Variants in MBD5 observed in about 807,000 individuals in gnomAD.
MBD5 encodes the protein methyl-CpG-binding domain protein 5.
A neutral mutation model predicts 117.3 loss-of-function variants in MBD5; 13 were observed. That is an observed-to-expected ratio of 0.11 (90% CI 0.07 to 0.18). MBD5 has a LOEUF of 0.18. MBD5 is among the 10% of genes least tolerant of loss of function. MBD5 has a pLI of 1.00. For missense variants in MBD5, 1,879 were observed against 2,093.8 expected (o/e 0.90, Z 2.00); for synonymous variants, 727 against 766.4 (o/e 0.95, Z 0.85).
At chr2:148,269,645 A>G (rs981679353) in intron 3 of MBD5, among the ~76,000 whole-genome samples, 2 of 143,606 alleles carry the variant, frequency 1.4e-5, no homozygotes, top group South Asian at 2.2e-4. Context: ...TTATACAGAT[A>G]TATCTAATTG....
chr2:148,469,954 A>G lies in MBD5; in HGVS notation c.2011A>G (p.Arg671Gly), dbSNP rs1376331579. 7 of 1,613,884 alleles carry G rather than the reference A, an allele frequency of 4.3e-6. No individual in the cohort carries two copies. The East Asian group carries it at 1.1e-4, about 26-fold the overall frequency. ...QPPTTVLSLL[R>G]QSQMDSSAVP... ...ACCTACGACAGTGTTGAGTTTGCTC[A>G]GACAGTCTCAAATGGATAGTTCTGC... Residue 671 changes from arginine (R) to glycine (G), a missense_variant, in exon 8 of 14, where the codon AGA (arginine) becomes GGA (glycine). Arg to Gly is a moderately radical substitution (Grantham distance 125). Around this residue, in one of 4 missense-constraint regions of MBD5, gnomAD observed 1,666 missense variants for 1,792.2 expected, o/e 0.93. Coordinates refer to ENST00000642680, the MANE Select transcript of MBD5 (RefSeq NM_001378120.1).
intron 1 of MBD5, among the ~76,000 whole-genome samples, chr2:148,080,255 C>G (rs1695616840): frequency 6.6e-6 from 1 of 152,170 alleles, no homozygotes; most frequent in Middle Eastern, 3.4e-3. Flanking sequence ...ATTTCTGTCT[C>G]AATGTATTAA....
intron 4 of MBD5, among the ~76,000 whole-genome samples, chr2:148,368,003 T>A (rs1445972960): frequency 6.6e-6 from 1 of 152,128 alleles, no homozygotes; most frequent in African/African-American, 2.4e-5. Context: ...TATAAATCAT[T>A]CTACTATAAA....
chr2:148,269,608 G>C (rs1439157139), intron 3 of MBD5, among the ~76,000 whole-genome samples: 3 of 148,750 alleles, frequency 2.0e-5, no homozygotes. Context: ...AAGCCTTTAA[G>C]ATCTCCTTAT....
chr2:148,136,221 T>C (rs946482210), intron 1 of MBD5, among the ~76,000 whole-genome samples: 1 of 152,182 alleles, frequency 6.6e-6, no homozygotes, highest in African/African-American at 2.4e-5. Flanking sequence ...ATCACGGTCT[T>C]ACGTGTACTC....
At chr2:148,430,300 A>G (rs902933510) in intron 4 of MBD5, among the ~76,000 whole-genome samples, 3 of 152,204 alleles carry the variant, frequency 2.0e-5, no homozygotes, top group Non-Finnish European at 2.9e-5. Flanking sequence ...GGGAAGGGGA[A>G]GTAACTGTCA....
chr2:148,288,122 C>T (rs912227612), intron 3 of MBD5, among the ~76,000 whole-genome samples: 6 of 151,570 alleles, frequency 4.0e-5, no homozygotes, highest in East Asian at 3.9e-4. Context: ...GATTTCTGGC[C>T]GGGCGCGGTG....
rs544264204 is a variant in MBD5, at chr2:148,086,765, G to T, written c.-925+65081G>T. Among the ~76,000 whole-genome samples the T allele has an allele frequency of 2.6e-5, 4 of 152,234 alleles. No individual in the cohort carries two copies. The East Asian group carries it at 5.8e-4, about 22-fold the overall frequency. On this transcript the variant is annotated intron_variant, in intron 1 of 13. Transcript: ENST00000642680. ...TCTTTTCTTCTTTAGATCTTAGGAA[G>T]TGCCCTGTCTAAATCCTTTCCTCTT... is the stretch of plus-strand genomic sequence containing the variant.
At chr2:148,117,186 G>A (rs1696660290) in intron 1 of MBD5, among the ~76,000 whole-genome samples, 1 of 151,852 alleles carries the variant, frequency 6.6e-6, no homozygotes, top group Non-Finnish European at 1.5e-5. Flanking sequence ...CATAAGAGAA[G>A]CTGAAAAAAG....
At chr2:148,252,751 T>C (rs1323864649) in intron 3 of MBD5, among the ~76,000 whole-genome samples, 2 of 152,142 alleles carry the variant, frequency 1.3e-5, no homozygotes, top group Admixed American at 6.5e-5. Flanking sequence ...GGTCTCACCA[T>C]GTTAGCCAGG....
intron 3 of MBD5, among the ~76,000 whole-genome samples, chr2:148,293,532 A>G (rs1347100302): frequency 6.6e-6 from 1 of 152,138 alleles, no homozygotes; most frequent in Non-Finnish European, 1.5e-5. Flanking sequence ...TACCTACAAT[A>G]ATTTTTTTGA....
intron 2 of MBD5, among the ~76,000 whole-genome samples, chr2:148,201,696 T>G (rs970072576): frequency 1.3e-5 from 2 of 152,012 alleles, no homozygotes; most frequent in Non-Finnish European, 2.9e-5. Context: ...GAGAAAAATT[T>G]TATTAAGTGA....
At chr2:148,132,186 T>C (rs547175920) in intron 1 of MBD5, among the ~76,000 whole-genome samples, 26 of 152,154 alleles carry the variant, frequency 1.7e-4, no homozygotes, top group African/African-American at 5.1e-4. Flanking sequence ...GTTTAATAAA[T>C]AGTCAAAACT....
intron 4 of MBD5, among the ~76,000 whole-genome samples, chr2:148,376,800 A>G (rs899525208): frequency 2.3e-5 from 3 of 130,516 alleles, no homozygotes. Context: ...ATATAATTTT[A>G]TATATAATAT....
rs59209677 is a variant in MBD5 at position 148,412,272 on chromosome 2, TTGTGTG to T, written c.-556-45905_-556-45900del. Among the ~76,000 whole-genome samples, 27 of 144,578 alleles carry T rather than the reference TTGTGTG, an allele frequency of 1.9e-4. No homozygotes were observed. In the East Asian group the frequency reaches 3.2e-3, roughly 17 times the overall value. 94.8% of individuals were successfully genotyped at this position (144,578 alleles called of 152,430 possible). A position where few individuals can be genotyped will look rare whatever the true frequency, so the allele number is the denominator to read the frequency against. ...TTACTGTAGCCTTGTAGTATACTTT[TTGTGTG>T]TGTGTGTGTGTGTGTGTGTGTGTGT... On this transcript the variant is annotated intron_variant, in intron 4 of 13. Coordinates refer to ENST00000642680, the MANE Select transcript of MBD5 (RefSeq NM_001378120.1).
At chr2:148,187,179 T>C (rs1188924511) in intron 2 of MBD5, among the ~76,000 whole-genome samples, 1 of 152,170 alleles carries the variant, frequency 6.6e-6, no homozygotes, top group Non-Finnish European at 1.5e-5. Flanking sequence ...TATGATCACA[T>C]GTGTGGATAG....
intron 4 of MBD5, among the ~76,000 whole-genome samples, chr2:148,351,111 T>G (rs1240755830): frequency 6.6e-6 from 1 of 152,046 alleles, no homozygotes; most frequent in Non-Finnish European, 1.5e-5. Context: ...ACACATGAAA[T>G]TTTATATTCT....
At position 148,313,008 on chromosome 2, in the gene MBD5, G is replaced by A. The variant is rs1032538576; in HGVS notation, c.-679-29206G>A. Among the ~76,000 whole-genome samples, 3 of 152,276 alleles carry A rather than the reference G, an allele frequency of 2.0e-5. No individual in the cohort carries two copies. In the East Asian group the frequency reaches 5.8e-4, roughly 29 times the overall value. On this transcript the variant is annotated intron_variant, in intron 3 of 13. Coordinates refer to ENST00000642680, the MANE Select transcript of MBD5 (RefSeq NM_001378120.1). Reference sequence around the variant, plus strand: ...TGCAGAACAGCAAAGATTGCTGCCTGTTCCTTCCTCTGGAAGGTTCGTCCC... The same window carrying A: ...TGCAGAACAGCAAAGATTGCTGCCTATTCCTTCCTCTGGAAGGTTCGTCCC...
chr2:148,457,196 A>G (rs1274909606), intron 4 of MBD5, among the ~76,000 whole-genome samples: 1 of 152,118 alleles, frequency 6.6e-6, no homozygotes, highest in Non-Finnish European at 1.5e-5. Flanking sequence ...TTCCATTTAA[A>G]TTGTTTGAAA....
Sources: allele counts gnomAD v4.1 joint callset (sites outside exome capture counted in the v4.1 genomes callset), GRCh38; gene constraint gnomAD v4.1.1; regional missense constraint gnomAD v4.1.1; transcripts MANE v1.5; gene names NCBI Gene and HGNC (gene_info 2026-07-23, HGNC 2026-07-21).